Variants in PHYHIPL observed in about 807,000 individuals in gnomAD.
PHYHIPL encodes the protein phytanoyl-CoA hydroxylase-interacting protein-like.
PHYHIPL carries 9 observed loss-of-function variants against 33.4 expected under a neutral mutation model. That is an observed-to-expected ratio of 0.27 (90% CI 0.16 to 0.47). The LOEUF (loss-of-function observed/expected upper bound fraction) is 0.47. Among genes scored for constraint, PHYHIPL ranks in the 20% least tolerant of loss-of-function variants. The pLI is 0.99. For synonymous variants in PHYHIPL, 153 were observed against 154.1 expected, an observed-to-expected ratio of 0.99 and a Z score of 0.05; for missense variants, 365 against 460.7, an observed-to-expected ratio of 0.79 and a Z score of 1.90.
At chr10:59,240,302 C>A (rs1840353711) in intron 4 of PHYHIPL, among the ~76,000 whole-genome samples, 1 of 151,950 alleles carries the variant, frequency 6.6e-6, no homozygotes, top group Admixed American at 6.6e-5. Context: ...GAAGGTGTTT[C>A]TTTATACAGA....
At chr10:59,185,806 G>A (rs1244390749) in intron 1 of PHYHIPL, among the ~76,000 whole-genome samples, 1 of 152,096 alleles carries the variant, frequency 6.6e-6, no homozygotes, top group African/African-American at 2.4e-5. Context: ...ACTTTTTGAT[G>A]GGGTTGTTTG....
intron 1 of PHYHIPL, among the ~76,000 whole-genome samples, chr10:59,199,569 G>A (rs1839034279): frequency 6.6e-6 from 1 of 152,176 alleles, no homozygotes; most frequent in African/African-American, 2.4e-5. Context: ...GAACTTTAAA[G>A]TAGTTTTTTC....
intron 1 of PHYHIPL, among the ~76,000 whole-genome samples, chr10:59,194,449 A>G (rs1464950233): frequency 1.3e-5 from 2 of 152,168 alleles, no homozygotes; most frequent in African/African-American, 2.4e-5. Context: ...TTTTAATGAG[A>G]ATTTTAAATA....
chr10:59,183,552 C>G (rs1188500644), intron 1 of PHYHIPL: 1 of 496,486 alleles, frequency 2.0e-6, no homozygotes, highest in East Asian at 1.5e-4. Flanking sequence ...TGCTTTGTAT[C>G]TCACCCTTTG....
intron 1 of PHYHIPL, among the ~76,000 whole-genome samples, chr10:59,189,930 G>A (rs1838736914): frequency 6.6e-6 from 1 of 151,974 alleles, no homozygotes; most frequent in South Asian, 2.1e-4. Flanking sequence ...AGTGTGCCTG[G>A]TGGAAAATTA....
intron 1 of PHYHIPL, among the ~76,000 whole-genome samples, chr10:59,184,011 A>G (rs1469377817): frequency 6.6e-6 from 1 of 152,186 alleles, no homozygotes; most frequent in Admixed American, 6.5e-5. Flanking sequence ...ATATTGGTGA[A>G]TCTCTCAGTC....
intron 1 of PHYHIPL, among the ~76,000 whole-genome samples, chr10:59,185,424 T>C (rs1838565523): frequency 1.3e-5 from 2 of 152,196 alleles, no homozygotes; most frequent in South Asian, 4.1e-4. Context: ...GCAATAAACA[T>C]ACGTGTGCAT....
intron 4 of PHYHIPL, among the ~76,000 whole-genome samples, chr10:59,241,849 A>G (rs1840406989): frequency 1.3e-5 from 2 of 152,174 alleles, no homozygotes; most frequent in Admixed American, 6.5e-5. Flanking sequence ...GGATACAAAG[A>G]TATCTCTTTT....
rs542756537 is a variant in PHYHIPL at position 59,177,018 on chromosome 10, A to G, written c.106+59A>G. ...GAGTTCGCGCCGAGGCGCCGGGGCC[A>G]CTCTGGCTCCGCCGACGCCGCTCGC... On this transcript the variant is annotated intron_variant, in intron 1 of 4. Coordinates refer to ENST00000373880, the MANE Select transcript of PHYHIPL (RefSeq NM_032439.4). 1.4e-3 allele frequency: 2,039 copies of G among 1,484,908 alleles called. 8 individuals carry two copies. The highest frequency in any genetic ancestry group is 1.7e-3 in the Non-Finnish European group (1,801 of 1,079,630). The allele number at this position is 1,484,908 out of a possible 1,614,324, so 92.0% of individuals were successfully genotyped here.
chr10:59,231,060 AT>A (rs935800408), intron 1 of PHYHIPL, among the ~76,000 whole-genome samples: 45 of 152,034 alleles, frequency 3.0e-4, no homozygotes, highest in African/African-American at 9.6e-4. Context: ...GATAAAGCAC[AT>A]TTTTAAAAAA....
At chr10:59,231,707 TGATA>T (rs1022826996) in intron 1 of PHYHIPL, among the ~76,000 whole-genome samples, 1 of 152,100 alleles carries the variant, frequency 6.6e-6, no homozygotes, top group African/African-American at 2.4e-5. Context: ...AGAATTTAAT[TGATA>T]GATCTTACAA....
intron 1 of PHYHIPL, among the ~76,000 whole-genome samples, chr10:59,199,593 A>T (rs1000011126): frequency 6.6e-6 from 1 of 152,214 alleles, no homozygotes; most frequent in African/African-American, 2.4e-5. Context: ...TTCTGTGAAG[A>T]AAGTCGTTGG....
chr10:59,196,927 C>T (rs114103249), intron 1 of PHYHIPL, among the ~76,000 whole-genome samples: 1,864 of 152,216 alleles, frequency 0.012, 12 homozygotes, highest in African/African-American at 0.023. Flanking sequence ...CGTATTTTAA[C>T]GTGATGTTGT....
At chr10:59,184,620 G>A (rs992913432) in intron 1 of PHYHIPL, among the ~76,000 whole-genome samples, 5 of 151,744 alleles carry the variant, frequency 3.3e-5, no homozygotes, top group Non-Finnish European at 5.9e-5. Context: ...GACGGAAACA[G>A]GCCCTAGTTT....
At position 59,247,173 on chromosome 10, in the gene PHYHIPL, T is replaced by C; in HGVS notation, c.*1582T>C. 1 of 161,284 alleles carries C rather than the reference T, an allele frequency of 6.2e-6. No individual in the cohort carries two copies. Among genetic ancestry groups the C allele is most frequent in the Middle Eastern group, 3.0e-3 (1 of 336 alleles). The allele number at this position is 161,284 out of a possible 1,614,324, so 10.0% of individuals were successfully genotyped here. A position where few individuals can be genotyped will look rare whatever the true frequency, so the allele number is the denominator to read the frequency against. On this transcript the variant is annotated 3_prime_UTR_variant, in exon 5 of 5. Transcript: ENST00000373880. ...TCAAATAAATTGCTTTCTTGCTAGC[T>C]GTATTCCTTCCTACTTGAAAAGCGA... is the stretch of plus-strand genomic sequence containing the variant.
intron 1 of PHYHIPL, among the ~76,000 whole-genome samples, chr10:59,227,293 A>G (rs957455870): frequency 6.6e-6 from 1 of 152,122 alleles, no homozygotes; most frequent in Non-Finnish European, 1.5e-5. Flanking sequence ...TGTGGTAGAG[A>G]AGCAAGGCAA....
chr10:59,217,785 T>A (rs762294605), intron 1 of PHYHIPL, among the ~76,000 whole-genome samples: 1 of 152,094 alleles, frequency 6.6e-6, no homozygotes, highest in Non-Finnish European at 1.5e-5. Context: ...GCAGATTACT[T>A]CCTACTAAGT....
In PHYHIPL at chr10:59,226,087, C is replaced by G. The variant is rs1429603420; in HGVS notation, c.107-8217C>G. 3.3e-5 allele frequency among the ~76,000 whole-genome samples: 5 copies of G among 150,820 alleles called. No homozygotes were observed. In the South Asian group the frequency reaches 6.3e-4, roughly 19 times the overall value. On this transcript the variant is annotated intron_variant, in intron 1 of 4. Coordinates refer to ENST00000373880, the MANE Select transcript of PHYHIPL (RefSeq NM_032439.4). The stretch of plus-strand genomic sequence containing the variant: ...AAATTCAAGATTGGGTTTAATGAAA[C>G]AAAGATGAAAGATTAGTTAAGATAA...
Position 59,245,395 on chromosome 10 carries a change from C to T in PHYHIPL, c.935C>T (p.Thr312Ile), listed in dbSNP as rs200012194. The change falls in exon 5 of 5, where the codon ACC (threonine) becomes ATC (isoleucine). Residue 312 changes from threonine (T) to isoleucine (I), a missense_variant. Around this residue, in one of 4 missense-constraint regions of PHYHIPL, gnomAD observed 196 missense variants for 224.9 expected, o/e 0.87. Coordinates refer to ENST00000373880, the MANE Select transcript of PHYHIPL (RefSeq NM_032439.4). ...QLNSKDNKFL[T>I]CTEEDGVLVY... ...AATTCTAAGGATAATAAATTTTTGA[C>T]CTGTACAGAAGAAGATGGGGTGCTG... 16 of 1,614,060 alleles carry T rather than the reference C, an allele frequency of 9.9e-6. No homozygotes were observed. In the East Asian group the frequency reaches 2.7e-4, roughly 27 times the overall value.
Sources: gnomAD v4.1 joint callset for allele counts (sites outside exome capture counted in the v4.1 genomes callset) on GRCh38, gnomAD v4.1.1 for gene constraint, gnomAD v4.1.1 regional missense constraint, MANE v1.5 for transcripts, NCBI Gene and HGNC (gene_info 2026-07-23, HGNC 2026-07-21) for gene names.